The following FCHO2 variants were observed in gnomAD, a reference collection of about 807,000 sequenced individuals.
FCHO2 encodes F-BAR domain only protein 2.
A neutral mutation model predicts 114.1 loss-of-function variants in FCHO2; 43 were observed. The ratio of observed to expected loss-of-function variants is 0.38; its 90% CI spans 0.30 to 0.49. The LOEUF (loss-of-function observed/expected upper bound fraction) is 0.49. Ranked by LOEUF, FCHO2 falls within the 20% of genes least tolerant of loss-of-function variation. FCHO2 has a pLI of 0.97. For synonymous variants in FCHO2, 293 were observed against 315.2 expected (o/e 0.93, Z 0.75); for missense variants, 807 against 950.4 (o/e 0.85, Z 1.98).
intron 24 of FCHO2, 87 bp from the exon 25 acceptor site, chr5:73,087,502 A>C: frequency 6.9e-7 from 1 of 1,441,862 alleles, no homozygotes; most frequent in Non-Finnish European, 9.5e-7. Context: ...CACAGGACTG[A>C]TGTAGTTTAG....
chr5:72,993,148 CAT>C (rs1415825027), intron 5 of FCHO2, among the ~76,000 whole-genome samples: 3 of 151,234 alleles, frequency 2.0e-5, no homozygotes, highest in Admixed American at 1.3e-4. Flanking sequence ...AATAAATAAA[CAT>C]AAACTTACAT....
At chr5:73,023,512 A>T (rs1263311710) in intron 8 of FCHO2, among the ~76,000 whole-genome samples, 3 of 151,936 alleles carry the variant, frequency 2.0e-5, no homozygotes, top group Admixed American at 6.6e-5. Flanking sequence ...GACCAGCCTG[A>T]CCAACATAGT....
At chr5:72,990,302 A>G (rs772726744) in intron 3 of FCHO2, among the ~76,000 whole-genome samples, 176 bp from the exon 4 acceptor site, 8 of 152,116 alleles carry the variant, frequency 5.3e-5, no homozygotes, top group Admixed American at 1.3e-4. Flanking sequence ...TAAATAACCA[A>G]TGACAAAAAA....
intron 10 of FCHO2, chr5:73,038,087 T>A (rs1421615041): frequency 1.3e-5 from 2 of 155,762 alleles, no homozygotes; most frequent in South Asian, 1.8e-4. Context: ...AAATAAAAAA[T>A]TAATATACAA....
intron 18 of FCHO2, among the ~76,000 whole-genome samples, chr5:73,066,232 T>C (rs1295951570): frequency 5.3e-5 from 8 of 152,004 alleles, no homozygotes; most frequent in Non-Finnish European, 7.4e-5. Context: ...TTGAGAGCCT[T>C]CTAGAAACCA....
At chr5:73,041,575 G>GT (rs1756805468) in intron 11 of FCHO2, among the ~76,000 whole-genome samples, 1 of 151,886 alleles carries the variant, frequency 6.6e-6, no homozygotes, top group Non-Finnish European at 1.5e-5. Context: ...ATATCATTCT[G>GT]TTTTTTTCTT....
chr5:72,982,826 A>ATT (rs36075860), intron 2 of FCHO2, among the ~76,000 whole-genome samples: 7 of 108,172 alleles, frequency 6.5e-5, no homozygotes, highest in African/African-American at 1.7e-4. Context: ...GTCTGGATTC[A>ATT]TTTTTTTTTT....
At chr5:72,967,723 G>A (rs1382014961) in intron 1 of FCHO2, among the ~76,000 whole-genome samples, 1 of 151,518 alleles carries the variant, frequency 6.6e-6, no homozygotes, top group Non-Finnish European at 1.5e-5. Flanking sequence ...GGGTTCAAGC[G>A]ATTCTCCTGT....
chr5:72,959,647 C>T (rs901534284), intron 1 of FCHO2, among the ~76,000 whole-genome samples: 3 of 152,262 alleles, frequency 2.0e-5, no homozygotes, highest in Admixed American at 6.5e-5. Flanking sequence ...TTCAAAACAT[C>T]GTGCTCTATA....
intron 5 of FCHO2, among the ~76,000 whole-genome samples, chr5:72,999,329 T>C (rs143967736): frequency 3.0e-3 from 458 of 151,770 alleles, no homozygotes; most frequent in African/African-American, 0.01. Context: ...ACATAAATAC[T>C]ATAGGTGTTA....
Position 73,052,467 on chromosome 5 carries a change from A to G in FCHO2, c.1133A>G (p.Lys378Arg). 1 of 1,597,390 alleles carries G rather than the reference A, an allele frequency of 6.3e-7. No individual in the cohort carries two copies. The highest frequency in any genetic ancestry group is 8.5e-7 in the Non-Finnish European group (1 of 1,171,232). Residue 378 changes from lysine (K) to arginine (R), a missense_variant, in exon 13 of 26, where the codon AAA (lysine) becomes AGA (arginine). Lys to Arg is a conservative substitution (Grantham distance 26, BLOSUM62 2). Coordinates refer to ENST00000430046, the MANE Select transcript of FCHO2 (RefSeq NM_138782.3). ...HHTMASLDEL[K>R]VSIGNITLSP... is the part of the protein sequence containing the mutation. ...ACAATGGCTTCTTTGGATGAATTAA[A>G]AGTATCTATAGGGAATATAACACTC...
intron 8 of FCHO2, among the ~76,000 whole-genome samples, chr5:73,018,003 A>C (rs1483183487): frequency 1.3e-5 from 2 of 151,992 alleles, no homozygotes; most frequent in Non-Finnish European, 2.9e-5. Flanking sequence ...AGATTTCTTT[A>C]ATCTATTTAT....
chr5:73,012,365 G>A (rs1478960209), intron 6 of FCHO2, among the ~76,000 whole-genome samples: 1 of 152,152 alleles, frequency 6.6e-6, no homozygotes, highest in Non-Finnish European at 1.5e-5. Context: ...GCTCACGCCT[G>A]TAATCCCAGC....
intron 1 of FCHO2, among the ~76,000 whole-genome samples, chr5:72,961,025 AT>A (rs1751831207): frequency 6.6e-6 from 1 of 152,088 alleles, no homozygotes; most frequent in Admixed American, 6.6e-5. Flanking sequence ...TCTTTTACTG[AT>A]TAACTGTACA....
At chr5:72,984,855 C>G (rs1323456339) in intron 2 of FCHO2, among the ~76,000 whole-genome samples, 3 of 151,918 alleles carry the variant, frequency 2.0e-5, no homozygotes, top group Non-Finnish European at 4.4e-5. Flanking sequence ...AGGCTGGTCT[C>G]AAACACCAGA....
At position 73,006,523 on chromosome 5, in the gene FCHO2, G is replaced by T; in HGVS notation, c.574G>T (p.Glu192Ter). ...EKYALAKADF[E>*]QKMTETAQKF... Reference sequence around the variant, plus strand: ...ATATGCATTAGCAAAAGCTGATTTCGAACAGAAAATGACAGAAACAGCTCA... The same window carrying T: ...ATATGCATTAGCAAAAGCTGATTTCTAACAGAAAATGACAGAAACAGCTCA... The change falls in exon 6 of 26, where the codon GAA (glutamate) becomes TAA (stop). Residue 192 changes from glutamate to a stop codon, truncating the protein, a stop_gained. Transcript: ENST00000430046. LOFTEE classifies it high-confidence loss of function. 6.4e-7 allele frequency: 1 copy of T among 1,567,690 alleles called. No homozygotes were observed. The highest frequency in any genetic ancestry group is 1.2e-5 in the South Asian group (1 of 81,094).
chr5:73,014,293 C>CT (rs551434825), intron 6 of FCHO2, among the ~76,000 whole-genome samples: 2,099 of 136,878 alleles, frequency 0.015, 28 homozygotes, highest in Middle Eastern at 0.043. Context: ...TTTTCTTTTT[C>CT]TTTTTTTTTT....
At chr5:73,050,866 A>G (rs1309568668) in intron 11 of FCHO2, among the ~76,000 whole-genome samples, 1 of 152,178 alleles carries the variant, frequency 6.6e-6, no homozygotes, top group Non-Finnish European at 1.5e-5. Context: ...ATGTTGGCAG[A>G]CATTGATGGT....
intron 6 of FCHO2, among the ~76,000 whole-genome samples, chr5:73,008,660 C>A (rs1021633198): frequency 6.6e-6 from 1 of 152,128 alleles, no homozygotes; most frequent in African/African-American, 2.4e-5. Flanking sequence ...ATCCACAATT[C>A]CGAATCCGAA....
Sources: gnomAD v4.1 joint callset for allele counts (sites outside exome capture counted in the v4.1 genomes callset) on GRCh38, gnomAD v4.1.1 for gene constraint, MANE v1.5 for transcripts, NCBI Gene and HGNC (gene_info 2026-07-23, HGNC 2026-07-21) for gene names.